SZT2: variants seen among roughly 807,000 people sequenced by gnomAD.
The protein encoded by SZT2 is KICSTOR complex protein SZT2.
In SZT2, 216 loss-of-function variants were observed where a neutral mutation model predicts 404.2. The ratio of observed to expected loss-of-function variants is 0.53; its 90% CI spans 0.48 to 0.60. SZT2 has a LOEUF of 0.60. SZT2 is among the 20% of genes least tolerant of loss of function. The pLI is 0.00. For synonymous variants in SZT2, 1,693 were observed against 1,749.9 expected, an observed-to-expected ratio of 0.97 and a Z score of 0.81; for missense variants, 3,857 against 4,459.2, an observed-to-expected ratio of 0.86 and a Z score of 3.85.
chr1:43,394,896 AAAG>A, intron 1 of SZT2, among the ~76,000 whole-genome samples: 1 of 152,270 alleles, frequency 6.6e-6, no homozygotes, highest in South Asian at 2.1e-4. Flanking sequence ...AAAAAAAAGA[AAAG>A]AAAAAGAAAA....
chr1:43,420,628 C>T lies in SZT2; in HGVS notation c.1262-121C>T. ...ACTCTGGGCCTGAAACCTGTGGAAC[C>T]ATGCTTGGAACCTTTGGCAGGACTG... On this transcript the variant is annotated intron_variant, in intron 9 of 71. Transcript: ENST00000634258. This position sits in a 1 kb window ranked among gnomAD's most constrained non-coding sequence, Gnocchi z 5.1. The T allele has an allele frequency of 9.8e-7, 1 of 1,024,254 alleles. No homozygotes were observed. The highest frequency in any genetic ancestry group is 2.6e-5 in the East Asian group (1 of 38,618). The allele number at this position is 1,024,254 out of a possible 1,614,324, so 63.4% of individuals were successfully genotyped here. A position where few individuals can be genotyped will look rare whatever the true frequency, so the allele number is the denominator to read the frequency against.
At position 43,420,152 on chromosome 1, in the gene SZT2, G is replaced by A. The variant is rs1652173183; in HGVS notation, c.1091-1G>A. ...CTTCCCCATCTCCACTGGTCTTCCAGGCTCTCAGCACCGCCTATTTAATGA... is the reference window on the plus strand; with the variant it reads ...CTTCCCCATCTCCACTGGTCTTCCAAGCTCTCAGCACCGCCTATTTAATGA... On this transcript the variant is annotated splice_acceptor_variant, in intron 8 of 71. Coordinates refer to ENST00000634258, the MANE Select transcript of SZT2 (RefSeq NM_001365999.1). LOFTEE classifies it high-confidence loss of function. This position sits in a 1 kb window ranked among gnomAD's most constrained non-coding sequence, Gnocchi z 5.1. The A allele has an allele frequency of 1.3e-6, 2 of 1,598,276 alleles. No individual in the cohort carries two copies.
At chr1:43,423,508 G>A (rs1291163673) in intron 15 of SZT2, among the ~76,000 whole-genome samples, 192 bp downstream of exon 15, 1 of 149,968 alleles carries the variant, frequency 6.7e-6, no homozygotes, top group Non-Finnish European at 1.5e-5. Flanking sequence ...GCTTAGCAGG[G>A]TATGAGTGGT....
chr1:43,430,471 T>C lies in SZT2; in HGVS notation c.4481-25T>C, dbSNP rs374581727. On this transcript the variant is annotated intron_variant, in intron 31 of 71. Coordinates refer to ENST00000634258, the MANE Select transcript of SZT2 (RefSeq NM_001365999.1). ...AGGGTTCCACTGCCAGCCTCTCTCA[T>C]TGACCATGTGACATGCACTACTAGG... 1.2e-5 allele frequency: 19 copies of C among 1,610,168 alleles called. No individual in the cohort carries two copies. In the East Asian group the frequency reaches 1.6e-4, roughly 13 times the overall value.
chr1:43,444,522 T>C (rs973793809), intron 62 of SZT2, among the ~76,000 whole-genome samples: 5 of 151,550 alleles, frequency 3.3e-5, no homozygotes, highest in Admixed American at 6.6e-5. Flanking sequence ...AGTCCTTTTC[T>C]CACCAAGGAC....
rs566582893 is a variant in SZT2, at chr1:43,426,789, G to C, written c.3289G>C (p.Asp1097His). The C allele has an allele frequency of 3.1e-6, 5 of 1,613,772 alleles. No homozygotes were observed. The Admixed American group carries it at 6.7e-5, about 22-fold the overall frequency. The stretch of plus-strand genomic sequence containing the variant: ...AGTCGGCAGCACCCAGGCCACAGGA[G>C]ACTCCGCTTTTACTTCCCTGGTCAG... ...QAVGSTQATG[D>H]SAFTSLSVGL... is the part of the protein sequence containing the mutation. Residue 1097 changes from aspartate (D) to histidine (H), a missense_variant, in exon 23 of 72, where the codon GAC (aspartate) becomes CAC (histidine). By Grantham distance (81) the Asp-to-His change is moderately conservative (BLOSUM62 -1). This residue lies in a region of SZT2 where 1,725 missense variants were observed against 1,881.0 expected (regional missense o/e 0.92). Coordinates refer to ENST00000634258, the MANE Select transcript of SZT2 (RefSeq NM_001365999.1). The surrounding 1 kb of genome is among the most constrained non-coding windows in gnomAD (Gnocchi z 4.9).
At position 43,425,773 on chromosome 1, in the gene SZT2, G is replaced by A. The variant is rs1653069959; in HGVS notation, c.2815-62G>A. 6.3e-6 allele frequency: 10 copies of A among 1,591,852 alleles called. No homozygotes were observed. Among genetic ancestry groups the A allele is most frequent in the Non-Finnish European group, 7.7e-6 (9 of 1,162,232 alleles). ...GACTGTTGAAGCTTCCTGAAGAGCT[G>A]GAACCCAGGGTATCCTGGGCTAAGA... On this transcript the variant is annotated intron_variant, in intron 19 of 71. Transcript: ENST00000634258. The surrounding 1 kb of genome is among the most constrained non-coding windows in gnomAD (Gnocchi z 4.3).
In SZT2 at chr1:43,446,342, G is replaced by A. The variant is rs1349657260; in HGVS notation, c.8998G>A (p.Gly3000Ser). ...GATCTCATCTTCACCTTCCCTCCAG[G>A]GCTGTTACTTCTGTGTCAAACAGTT... ...GIILMELAFQ[G>S]CYFCVKQFAL... Residue 3000 changes from glycine to serine, a missense_variant and splice_region_variant, in exon 65 of 72, where the codon GGC (glycine) becomes AGC (serine). This residue lies in a region of SZT2 where 717 missense variants were observed against 868.2 expected (regional missense o/e 0.83). Transcript: ENST00000634258. 2.5e-6 allele frequency: 4 copies of A among 1,614,216 alleles called. No individual in the cohort carries two copies. Among genetic ancestry groups the A allele is most frequent in the Non-Finnish European group, 2.5e-6 (3 of 1,180,034 alleles).
Position 43,448,031 on chromosome 1 carries a change from GTGTCTCT to G in SZT2, c.9564-45_9564-39del, listed in dbSNP as rs962018108. On this transcript the variant is annotated intron_variant, in intron 68 of 71. Coordinates refer to ENST00000634258, the MANE Select transcript of SZT2 (RefSeq NM_001365999.1). This position sits in a 1 kb window ranked among gnomAD's most constrained non-coding sequence, Gnocchi z 4.2. ...CCCAGCCTGCCCCACCCTGCCCTGT[GTGTCTCT>G]TGCTACAACCACCACTCTCCTGCCC... is the stretch of plus-strand genomic sequence containing the variant. 2 of 1,610,106 alleles carry G rather than the reference GTGTCTCT, an allele frequency of 1.2e-6. No individual in the cohort carries two copies. The highest frequency in any genetic ancestry group is 1.7e-6 in the Non-Finnish European group (2 of 1,177,302).
At chr1:43,438,468 C>A (rs1459426305) in intron 46 of SZT2, among the ~76,000 whole-genome samples, 1 of 152,150 alleles carries the variant, frequency 6.6e-6, no homozygotes, top group South Asian at 2.1e-4. Context: ...TTATAATTCT[C>A]ATTTTATGGA....
Position 43,425,006 on chromosome 1 carries a change from C to T in SZT2, c.2551-107C>T. 1.3e-6 allele frequency: 2 copies of T among 1,531,618 alleles called. No homozygotes were observed. Among genetic ancestry groups the T allele is most frequent in the Non-Finnish European group, 9.0e-7 (1 of 1,108,396 alleles). 94.9% of individuals were successfully genotyped at this position (1,531,618 alleles called of 1,614,324 possible). On this transcript the variant is annotated intron_variant, in intron 17 of 71. Coordinates refer to ENST00000634258, the MANE Select transcript of SZT2 (RefSeq NM_001365999.1). The surrounding 1 kb of genome is among the most constrained non-coding windows in gnomAD (Gnocchi z 4.3). ...GATGCTCAAGGTCTGAGGCTGCAGT[C>T]ATAGGACAATTTGGTGAGGGAACTG...
At chr1:43,407,649 G>A (rs770394885) in intron 4 of SZT2, among the ~76,000 whole-genome samples, 1 of 151,978 alleles carries the variant, frequency 6.6e-6, no homozygotes, top group South Asian at 2.1e-4. Flanking sequence ...GCCACAGAGT[G>A]AGAACCTGTC....
Position 43,451,704 on chromosome 1 carries a change from C to T in SZT2, c.*1224C>T, listed in dbSNP as rs779049091. 1.2e-6 allele frequency: 2 copies of T among 1,614,152 alleles called. No homozygotes were observed. The highest frequency in any genetic ancestry group is 2.2e-5 in the South Asian group (2 of 91,076). On this transcript the variant is annotated 3_prime_UTR_variant, in exon 72 of 72. Coordinates refer to ENST00000634258, the MANE Select transcript of SZT2 (RefSeq NM_001365999.1). The stretch of plus-strand genomic sequence containing the variant: ...TGTCAGGTTCCCATCCATGATCTGC[C>T]AGTGGAATATGTCCTAGGGAAGAGG...
Position 43,403,091 on chromosome 1 carries a change from TG to T in SZT2, c.28-83del, listed in dbSNP as rs545236784. The T allele has an allele frequency of 1.2e-3, 1,720 of 1,479,932 alleles. 5 individuals carry two copies. The highest frequency in any genetic ancestry group is 2.8e-3 in the Admixed American group (154 of 54,570). The allele number at this position is 1,479,932 out of a possible 1,614,324, so 91.7% of individuals were successfully genotyped here. A position where few individuals can be genotyped will look rare whatever the true frequency, so the allele number is the denominator to read the frequency against. On this transcript the variant is annotated intron_variant, in intron 1 of 71. Coordinates refer to ENST00000634258, the MANE Select transcript of SZT2 (RefSeq NM_001365999.1). ...TCCCTCTCATTGATGGTGAGTTCCTTGGGCAAATTATTTGGACAGTGATCTG... is the reference window on the plus strand; with the variant it reads ...TCCCTCTCATTGATGGTGAGTTCCTTGGCAAATTATTTGGACAGTGATCTG...
intron 40 of SZT2, 23 bp from the exon 41 acceptor site, chr1:43,434,363 G>T: frequency 6.4e-7 from 1 of 1,574,138 alleles, no homozygotes; most frequent in Non-Finnish European, 8.6e-7. Flanking sequence ...TGCAGTTCTG[G>T]TCAGATTATC....
chr1:43,451,922 G>C lies in SZT2; in HGVS notation c.*1442G>C, dbSNP rs1426315033. On this transcript the variant is annotated 3_prime_UTR_variant, in exon 72 of 72. Transcript: ENST00000634258. ...CAAAAGGGACAGAAGGAGAGACAGGGCTGGGGTCGTACCCTGCTGGGGCGT... is the reference window on the plus strand; with the variant it reads ...CAAAAGGGACAGAAGGAGAGACAGGCCTGGGGTCGTACCCTGCTGGGGCGT... The C allele has an allele frequency of 5.6e-6, 9 of 1,612,964 alleles. No individual in the cohort carries two copies. The highest frequency in any genetic ancestry group is 7.6e-6 in the Non-Finnish European group (9 of 1,179,168).
chr1:43,416,078 T>G lies in SZT2; in HGVS notation c.749T>G (p.Leu250Ter), dbSNP rs779271456. ...CGTCAGGGCATCTTGGCACTGCAGT[T>G]ACTACCCTCGAACTCTAGTGCAGGT... ...MIRQGILALQ[L>*]LPSNSSAGII... is the part of the protein sequence containing the mutation. Residue 250 changes from leucine (L) to a stop codon, truncating the protein, a stop_gained, in exon 6 of 72, where the codon TTA becomes TGA. Transcript: ENST00000634258. LOFTEE classifies it high-confidence loss of function. The G allele has an allele frequency of 6.3e-7, 1 of 1,598,420 alleles. No individual in the cohort carries two copies. The highest frequency in any genetic ancestry group is 1.3e-5 in the African/African-American group (1 of 75,048).
intron 36 of SZT2, 150 bp from the exon 37 acceptor site, chr1:43,432,122 G>T: frequency 9.1e-7 from 1 of 1,097,216 alleles, no homozygotes; most frequent in Non-Finnish European, 1.3e-6. Flanking sequence ...TGAACCTTAG[G>T]CAAGTCACTG....
Position 43,448,438 on chromosome 1 carries a change from T to C in SZT2, c.9923T>C (p.Leu3308Pro). 6.2e-7 allele frequency: 1 copy of C among 1,606,466 alleles called. No homozygotes were observed. Among genetic ancestry groups the C allele is most frequent in the South Asian group, 1.1e-5 (1 of 90,312 alleles). Residue 3308 changes from leucine (L) to proline (P), a missense_variant, in exon 69 of 72, where the codon CTA becomes CCA. By Grantham distance (98) the Leu-to-Pro change is moderately conservative (BLOSUM62 -3). Coordinates refer to ENST00000634258, the MANE Select transcript of SZT2 (RefSeq NM_001365999.1). The surrounding 1 kb of genome is among the most constrained non-coding windows in gnomAD (Gnocchi z 4.2). ...GCCCTGGCAGAGCTGGAGGAACTCCTAGAAGCAGTCCATGCCAAATCCATT... is the reference window on the plus strand; with the variant it reads ...GCCCTGGCAGAGCTGGAGGAACTCCCAGAAGCAGTCCATGCCAAATCCATT... ...RLALAELEEL[L>P]EAVHAKSIGD... is the part of the protein sequence containing the mutation.
Sources: gnomAD v4.1 joint callset for allele counts (sites outside exome capture counted in the v4.1 genomes callset) on GRCh38, gnomAD v4.1.1 for gene constraint, gnomAD v4.1.1 regional missense constraint, Gnocchi (gnomAD v3.1) non-coding constraint, MANE v1.5 for transcripts, NCBI Gene and HGNC (gene_info 2026-07-23, HGNC 2026-07-21) for gene names.